Variants in MYO1B observed in about 807,000 individuals in gnomAD.
MYO1B encodes the protein myosin IB.
MYO1B carries 72 observed loss-of-function variants against 159.7 expected under a neutral mutation model. The observed-to-expected ratio is 0.45, with a 90% CI of 0.37 to 0.55. The LOEUF is 0.55. Ranked by LOEUF, MYO1B falls within the 20% of genes least tolerant of loss-of-function variation. MYO1B has a pLI of 0.00. For missense variants in MYO1B, 1,062 were observed against 1,364.8 expected (o/e 0.78, Z 3.50); for synonymous variants, 468 against 473.8 (o/e 0.99, Z 0.16).
chr2:191,298,841 G>C (rs987229938), intron 3 of MYO1B, among the ~76,000 whole-genome samples: 2 of 152,162 alleles, frequency 1.3e-5, no homozygotes, highest in Non-Finnish European at 1.5e-5. Context: ...AAGCCACACA[G>C]CTGGTGGGAG....
chr2:191,288,335 A>T (rs568922803), intron 2 of MYO1B, among the ~76,000 whole-genome samples: 1 of 151,672 alleles, frequency 6.6e-6, no homozygotes, highest in Non-Finnish European at 1.5e-5. Flanking sequence ...TTTGGGGGGA[A>T]CTTTGTCCAA....
chr2:191,393,268 G>T, intron 20 of MYO1B, 46 bp downstream of exon 20: 2 of 1,597,662 alleles, frequency 1.3e-6, no homozygotes, highest in Non-Finnish European at 1.7e-6. Flanking sequence ...ATGCTAATTT[G>T]CCAACATTTA....
At chr2:191,251,879 G>T (rs915546495) in intron 1 of MYO1B, among the ~76,000 whole-genome samples, 1 of 152,024 alleles carries the variant, frequency 6.6e-6, no homozygotes, top group African/African-American at 2.4e-5. Flanking sequence ...TTAATTGCAA[G>T]ATTCCTGCTG....
intron 30 of MYO1B, among the ~76,000 whole-genome samples, chr2:191,420,773 C>T (rs935268276): frequency 6.6e-6 from 1 of 152,156 alleles, no homozygotes; most frequent in Non-Finnish European, 1.5e-5. Flanking sequence ...ACAATAGATA[C>T]ACATATATCA....
chr2:191,329,564 G>C (rs1216242960), intron 3 of MYO1B, among the ~76,000 whole-genome samples: 1 of 149,244 alleles, frequency 6.7e-6, no homozygotes. Flanking sequence ...AATGTAGCTT[G>C]CTGGGTTTAT....
chr2:191,304,021 GA>G (rs1689491675), intron 3 of MYO1B, among the ~76,000 whole-genome samples: 1 of 152,158 alleles, frequency 6.6e-6, no homozygotes, highest in Non-Finnish European at 1.5e-5. Flanking sequence ...AGTCTTGGGG[GA>G]TATTTGTTTG....
intron 30 of MYO1B, among the ~76,000 whole-genome samples, chr2:191,419,192 T>C (rs1697772149): frequency 6.6e-6 from 1 of 152,172 alleles, no homozygotes; most frequent in Non-Finnish European, 1.5e-5. Flanking sequence ...ATAAATGATG[T>C]TGTTACTGGT....
chr2:191,288,217 T>C (rs565555137), intron 2 of MYO1B, among the ~76,000 whole-genome samples: 16 of 145,110 alleles, frequency 1.1e-4, no homozygotes, highest in Non-Finnish European at 2.3e-4. Flanking sequence ...CTTAAAAAAA[T>C]ATATTTTGAA....
chr2:191,345,086 C>T (rs528560022), intron 5 of MYO1B, among the ~76,000 whole-genome samples: 1 of 152,258 alleles, frequency 6.6e-6, no homozygotes, highest in Non-Finnish European at 1.5e-5. Context: ...AGATTTGATG[C>T]CTAGCCTCTG....
intron 13 of MYO1B, among the ~76,000 whole-genome samples, chr2:191,375,508 G>GATAGATAGATAGATAC (rs1463039738): frequency 1.3e-5 from 2 of 152,182 alleles, no homozygotes; most frequent in African/African-American, 4.8e-5. Context: ...TAGATAGATA[G>GATAGATAGATAGATAC]ATAGATGGAT....
chr2:191,360,178 A>G (rs1233173802), intron 7 of MYO1B, among the ~76,000 whole-genome samples: 3 of 152,190 alleles, frequency 2.0e-5, no homozygotes, highest in Non-Finnish European at 4.4e-5. Flanking sequence ...ACCTTATAAA[A>G]GGGTTGGGAG....
intron 1 of MYO1B, among the ~76,000 whole-genome samples, chr2:191,270,006 G>C (rs1466652346): frequency 6.6e-6 from 1 of 152,144 alleles, no homozygotes; most frequent in African/African-American, 2.4e-5. Flanking sequence ...TGATTGGTAG[G>C]CAGGCTGTCG....
chr2:191,371,805 G>A (rs988660096), intron 13 of MYO1B, among the ~76,000 whole-genome samples: 2 of 152,170 alleles, frequency 1.3e-5, no homozygotes, highest in Admixed American at 6.5e-5. Flanking sequence ...TGGGTGCTTC[G>A]TAGATGGAAG....
intron 3 of MYO1B, among the ~76,000 whole-genome samples, chr2:191,308,939 C>T (rs1689816950): frequency 1.3e-5 from 2 of 152,348 alleles, no homozygotes; most frequent in African/African-American, 4.8e-5. Context: ...TATCCAGCCT[C>T]CGCATTCCCG....
intron 7 of MYO1B, among the ~76,000 whole-genome samples, chr2:191,358,400 C>T (rs1233963706): frequency 6.6e-6 from 1 of 152,190 alleles, no homozygotes; most frequent in Non-Finnish European, 1.5e-5. Flanking sequence ...TGAGAGTAAT[C>T]ACTGATCATA....
At chr2:191,337,863 T>C (rs893222961) in intron 4 of MYO1B, among the ~76,000 whole-genome samples, 2 of 152,146 alleles carry the variant, frequency 1.3e-5, no homozygotes, top group African/African-American at 2.4e-5. Context: ...TTTTTCATTA[T>C]AGAGGTTATT....
At chr2:191,329,813 A>G in intron 3 of MYO1B, 122 bp from the exon 4 acceptor site, 1 of 662,160 alleles carries the variant, frequency 1.5e-6, no homozygotes, top group Non-Finnish European at 2.5e-6. Flanking sequence ...AGGAAATAAA[A>G]GGTGATAGCT....
At chr2:191,416,791 G>A (rs1303989602) in intron 30 of MYO1B, among the ~76,000 whole-genome samples, 1 of 152,028 alleles carries the variant, frequency 6.6e-6, no homozygotes, top group Non-Finnish European at 1.5e-5. Context: ...TCCAGCCTGG[G>A]TGACAGTGTG....
intron 1 of MYO1B, among the ~76,000 whole-genome samples, chr2:191,274,234 T>G (rs1574313063): frequency 6.6e-6 from 1 of 152,364 alleles, no homozygotes; most frequent in Non-Finnish European, 1.5e-5. Flanking sequence ...AATACAATAT[T>G]CAGAGGTCTT....
Sources: gnomAD v4.1 joint callset for allele counts (sites outside exome capture counted in the v4.1 genomes callset) on GRCh38, gnomAD v4.1.1 for gene constraint, MANE v1.5 for transcripts, NCBI Gene and HGNC (gene_info 2026-07-23, HGNC 2026-07-21) for gene names.